TMEM164: variants seen among roughly 807,000 people sequenced by gnomAD.
TMEM164 encodes RP13-360B22.2.
TMEM164 carries 4 observed loss-of-function variants against 18.8 expected under a neutral mutation model. That is an observed-to-expected ratio of 0.21 (90% CI 0.10 to 0.49). The LOEUF is 0.49. Among genes scored for constraint, TMEM164 ranks in the 20% least tolerant of loss-of-function variants. The probability of loss-of-function intolerance (pLI) is 0.98; values close to 1 mark genes in which losing one functional copy is unlikely to be tolerated. For synonymous variants in TMEM164, 86 were observed against 101.7 expected (o/e 0.85, Z 0.93); for missense variants, 108 against 239.9 (o/e 0.45, Z 3.63).
chrX:110,183,656 A>G (rs1322568188), downstream of TMEM164, among the ~76,000 whole-genome samples: 1 of 112,447 alleles, frequency 8.9e-6, no homozygotes, highest in Non-Finnish European at 1.9e-5. Context: ...AGTGAATGGG[A>G]AAAAGCTCAG....
chrX:110,128,689 T>A (rs2148024627), intron 4 of TMEM164, among the ~76,000 whole-genome samples: 1 of 112,099 alleles, frequency 8.9e-6, no homozygotes, highest in African/African-American at 3.2e-5. Flanking sequence ...CTGTGTCTTC[T>A]TATCTCTTAA....
chrX:110,155,315 C>T (rs1368907943), intron 5 of TMEM164, among the ~76,000 whole-genome samples: 1 of 110,836 alleles, frequency 9.0e-6, no homozygotes, highest in Non-Finnish European at 1.9e-5. Flanking sequence ...TGTTCTTCAT[C>T]AATAGAGATA....
chrX:110,131,175 GCAATGACC>G, intron 4 of TMEM164, among the ~76,000 whole-genome samples: 2 of 111,994 alleles, frequency 1.8e-5, no homozygotes, highest in Admixed American at 1.9e-4. Flanking sequence ...TTGCCTTTAA[GCAATGACC>G]CCCAGGGAGT....
intron 5 of TMEM164, among the ~76,000 whole-genome samples, chrX:110,158,484 G>A (rs1474329136): frequency 8.9e-6 from 1 of 112,249 alleles, no homozygotes; most frequent in Non-Finnish European, 1.9e-5. Flanking sequence ...GCAACGCACT[G>A]TATTGCTTTC....
At chrX:110,123,889 G>A (rs1342179797) in intron 4 of TMEM164, among the ~76,000 whole-genome samples, 1 of 111,503 alleles carries the variant, frequency 9.0e-6, no homozygotes, top group African/African-American at 3.3e-5. Context: ...ATGTGGGAGG[G>A]TCACTTGAGC....
At chrX:110,041,089 A>T (rs1935069906) in intron 2 of TMEM164, among the ~76,000 whole-genome samples, 1 of 112,136 alleles carries the variant, frequency 8.9e-6, no homozygotes, top group South Asian at 3.7e-4. Context: ...TTATGGTTTT[A>T]CTTAAATGAA....
intron 5 of TMEM164, among the ~76,000 whole-genome samples, chrX:110,169,486 C>T (rs773287805): frequency 3.4e-4 from 38 of 111,178 alleles, no homozygotes; most frequent in Non-Finnish European, 6.6e-4. Context: ...TACCAGCCTC[C>T]CTGCCTCGAC....
At chrX:110,058,261 CT>C (rs922001797) in intron 2 of TMEM164, among the ~76,000 whole-genome samples, 1 of 109,427 alleles carries the variant, frequency 9.1e-6, no homozygotes, top group Non-Finnish European at 1.9e-5. Flanking sequence ...CCTTTTCATC[CT>C]TTTTTTTCTT....
chrX:110,005,115 G>A (rs890759621), intron 2 of TMEM164, among the ~76,000 whole-genome samples: 1 of 112,111 alleles, frequency 8.9e-6, no homozygotes, highest in African/African-American at 3.2e-5. Flanking sequence ...TTCAGGCTGT[G>A]GAAAACCGGG....
intron 5 of TMEM164, among the ~76,000 whole-genome samples, chrX:110,151,146 T>C (rs2066932803): frequency 8.9e-6 from 1 of 112,417 alleles, no homozygotes; most frequent in South Asian, 3.6e-4. Context: ...GATGGACATT[T>C]AGGTTGTTTC....
chrX:110,173,216 C>T (rs370839823), intron 6 of TMEM164, 29 bp from the exon 7 acceptor site: 25 of 1,196,641 alleles, frequency 2.1e-5, no homozygotes, highest in Middle Eastern at 2.9e-4. Context: ...GGATGGTGAA[C>T]GCTCACTCTA....
In TMEM164 at chrX:110,115,915, C is replaced by T. The variant is rs1203147433; in HGVS notation, c.507+6769C>T. On this transcript the variant is annotated intron_variant, in intron 4 of 6. Transcript: ENST00000372068. The stretch of plus-strand genomic sequence containing the variant: ...GACCAGCCTGAGCAACATATAAGAC[C>T]CTGTCTTTACAAAAAATAAAAAAAT... 2.7e-5 allele frequency among the ~76,000 whole-genome samples: 3 copies of T among 110,324 alleles called. No individual in the cohort carries two copies. The Admixed American group carries it at 2.9e-4, about 11-fold the overall frequency.
At chrX:110,173,196 G>A in intron 6 of TMEM164, 49 bp from the exon 7 acceptor site, 1 of 1,175,773 alleles carries the variant, frequency 8.5e-7, no homozygotes, top group Non-Finnish European at 1.2e-6. Context: ...AGAAGCCAGA[G>A]AAAGCCTAAG....
intron 2 of TMEM164, among the ~76,000 whole-genome samples, chrX:110,019,904 C>T (rs1933710913): frequency 1.8e-5 from 2 of 111,729 alleles, no homozygotes; most frequent in Admixed American, 9.5e-5. Flanking sequence ...TCCATGTGTT[C>T]TCTGATCCAG....
At chrX:110,100,811 G>C (rs769118518) in intron 3 of TMEM164, among the ~76,000 whole-genome samples, 1 of 110,219 alleles carries the variant, frequency 9.1e-6, no homozygotes, top group Admixed American at 9.7e-5. Flanking sequence ...GGATGGTCTC[G>C]ATCTCCTGAC....
At chrX:110,012,897 T>C (rs1933088561) in intron 2 of TMEM164, among the ~76,000 whole-genome samples, 1 of 111,748 alleles carries the variant, frequency 8.9e-6, no homozygotes, top group Non-Finnish European at 1.9e-5. Context: ...CTGGAGGAAA[T>C]GGCAGAGGGA....
chrX:110,007,949 C>T, intron 2 of TMEM164, among the ~76,000 whole-genome samples: 1 of 112,264 alleles, frequency 8.9e-6, no homozygotes, highest in Non-Finnish European at 1.9e-5. Context: ...ATAAGGCAGG[C>T]TGTATCCAGG....
At chrX:110,163,322 A>G (rs2067116966) in intron 5 of TMEM164, among the ~76,000 whole-genome samples, 1 of 112,320 alleles carries the variant, frequency 8.9e-6, no homozygotes, top group African/African-American at 3.2e-5. Context: ...GGTAAGAGAA[A>G]CAGGTGACAT....
chrX:110,143,804 G>GGGGTGTGTGTGTGTGT (rs1168800369), intron 4 of TMEM164, among the ~76,000 whole-genome samples: 1 of 103,054 alleles, frequency 9.7e-6, no homozygotes, highest in African/African-American at 3.5e-5. Flanking sequence ...CATACTTTGG[G>GGGGTGTGTGTGTGTGT]GTGTGTGTGT....
Sources: gnomAD v4.1 joint callset for allele counts (sites outside exome capture counted in the v4.1 genomes callset) on GRCh38, gnomAD v4.1.1 for gene constraint, MANE v1.5 for transcripts, NCBI Gene and HGNC (gene_info 2026-07-23, HGNC 2026-07-21) for gene names.